Variants in AUTS2 observed in about 807,000 individuals in gnomAD.
The protein encoded by AUTS2 is autism susceptibility gene 2 protein.
AUTS2 carries 17 observed loss-of-function variants against 112.4 expected under a neutral mutation model. That is an observed-to-expected ratio of 0.15 (90% CI 0.10 to 0.23). The LOEUF is 0.23. Among genes scored for constraint, AUTS2 ranks in the 10% least tolerant of loss-of-function variants. The probability of loss-of-function intolerance (pLI) is 1.00; values close to 1 mark genes in which losing one functional copy is unlikely to be tolerated. For missense variants in AUTS2, 1,510 were observed against 1,701.6 expected, an observed-to-expected ratio of 0.89 and a Z score of 1.98; for synonymous variants, 751 against 702.7, an observed-to-expected ratio of 1.07 and a Z score of -1.09.
chr7:70,278,580 AACATACATACAT>A (rs59363161), intron 4 of AUTS2, among the ~76,000 whole-genome samples: 38,939 of 149,608 alleles, frequency 0.26, 5,352 homozygotes, highest in African/African-American at 0.35. Flanking sequence ...GTCTCTCAAA[AACATACATACAT>A]ACATACATAC....
At chr7:70,252,721 CTTACAT>C (rs753970912) in intron 4 of AUTS2, among the ~76,000 whole-genome samples, 1 of 152,092 alleles carries the variant, frequency 6.6e-6, no homozygotes, top group Non-Finnish European at 1.5e-5. Flanking sequence ...AGTTTCAGAT[CTTACAT>C]TTAAGTTTTC....
chr7:69,770,574 G>T (rs1364310643), intron 1 of AUTS2, among the ~76,000 whole-genome samples: 1 of 152,100 alleles, frequency 6.6e-6, no homozygotes, highest in Non-Finnish European at 1.5e-5. Context: ...TACATGACAT[G>T]TAGAGTGAGC....
At chr7:69,916,470 C>G (rs1451326055) in intron 2 of AUTS2, among the ~76,000 whole-genome samples, 3 of 152,142 alleles carry the variant, frequency 2.0e-5, no homozygotes, top group African/African-American at 7.2e-5. Flanking sequence ...CCAGACCTTT[C>G]TTCTCAACTT....
In AUTS2 at chr7:69,599,488, C is replaced by G. The variant is rs559473184; in HGVS notation, c.-166C>G. 7.4e-6 allele frequency: 4 copies of G among 541,218 alleles called. No homozygotes were observed. The South Asian group carries it at 3.8e-4, about 52-fold the overall frequency. 33.5% of individuals were successfully genotyped at this position (541,218 alleles called of 1,614,324 possible). On this transcript the variant is annotated 5_prime_UTR_variant, in exon 1 of 19. Coordinates refer to ENST00000342771, the MANE Select transcript of AUTS2 (RefSeq NM_015570.4). This position sits in a 1 kb window ranked among gnomAD's most constrained non-coding sequence, Gnocchi z 7.0. ...CCCTTCCCCCTTTTCTTTCTCCTCT[C>G]TTTCTTCCCCTCTCTCCCTTCTTTC...
In AUTS2 at chr7:70,777,135, C is replaced by T. The variant is rs753759709; in HGVS notation, c.1965C>T (p.His655=). The T allele has an allele frequency of 1.2e-6, 2 of 1,614,168 alleles. No individual in the cohort carries two copies. The highest frequency in any genetic ancestry group is 2.2e-5 in the South Asian group (2 of 91,084). The change falls in exon 14 of 19, where the codon CAC becomes CAT. Residue 655 remains histidine (H), a synonymous_variant. Transcript: ENST00000342771. ...KPGKWCAMHV[H]IAWQIYHHQQ... ...GGAAGTGGTGTGCTATGCATGTTCA[C>T]ATCGCCTGGCAGATTTACCACCACC...
intron 4 of AUTS2, among the ~76,000 whole-genome samples, chr7:70,328,757 A>AGTT (rs1043095055): frequency 6.6e-6 from 1 of 152,230 alleles, no homozygotes; most frequent in Non-Finnish European, 1.5e-5. Context: ...ATGGAAAAGA[A>AGTT]GTTATTTCTT....
intron 4 of AUTS2, among the ~76,000 whole-genome samples, chr7:70,239,232 C>T (rs1812481292): frequency 6.6e-6 from 1 of 152,162 alleles, no homozygotes; most frequent in Non-Finnish European, 1.5e-5. Flanking sequence ...TGTCTTGGGG[C>T]AGGCCACATC....
intron 6 of AUTS2, among the ~76,000 whole-genome samples, chr7:70,747,593 G>A (rs1010080360): frequency 2.0e-5 from 3 of 151,946 alleles, no homozygotes; most frequent in Non-Finnish European, 4.4e-5. Context: ...TCAGTAGCTG[G>A]GATTACAGGA....
intron 1 of AUTS2, among the ~76,000 whole-genome samples, chr7:69,606,533 G>A (rs993028986): frequency 6.6e-6 from 1 of 152,168 alleles, no homozygotes; most frequent in Non-Finnish European, 1.5e-5. Context: ...TATACTAAAT[G>A]CAGCCTAACT....
chr7:70,714,939 A>G (rs548433142), intron 6 of AUTS2, among the ~76,000 whole-genome samples: 12 of 152,302 alleles, frequency 7.9e-5, no homozygotes, highest in African/African-American at 2.4e-4. Flanking sequence ...TTGCATTGGC[A>G]TGTTCCCCGT....
intron 3 of AUTS2, chr7:70,120,008 A>G (rs2129573001): frequency 6.6e-6 from 1 of 152,298 alleles, no homozygotes; most frequent in East Asian, 1.9e-4. Flanking sequence ...GATGTCTATA[A>G]TTTTTAAATA....
At chr7:70,613,335 A>T (rs1167783764) in intron 5 of AUTS2, among the ~76,000 whole-genome samples, 1 of 152,132 alleles carries the variant, frequency 6.6e-6, no homozygotes, top group East Asian at 1.9e-4. Context: ...CTGTAGAGAC[A>T]TTTCCACTGA....
At chr7:70,755,012 T>C (rs1789105586) in intron 6 of AUTS2, among the ~76,000 whole-genome samples, 3 of 152,194 alleles carry the variant, frequency 2.0e-5, no homozygotes, top group African/African-American at 7.2e-5. Context: ...TGTATTTTTG[T>C]TTTTGTTTTG....
chr7:70,164,540 T>C (rs1274827344), intron 4 of AUTS2, among the ~76,000 whole-genome samples: 2 of 152,140 alleles, frequency 1.3e-5, no homozygotes, highest in Non-Finnish European at 2.9e-5. Context: ...TTAAAAAATT[T>C]TTTTGATGTT....
chr7:70,645,588 A>AAT lies in AUTS2; in HGVS notation c.691-52981_691-52980insAT, dbSNP rs1354721135. Among the ~76,000 whole-genome samples, 3 of 152,202 alleles carry AAT rather than the reference A, an allele frequency of 2.0e-5. No homozygotes were observed. In the East Asian group the frequency reaches 5.8e-4, roughly 30 times the overall value. ...CTGGCCGCTCTGTTCTGGGCAGACC[A>AAT]TGGGGCCTGCTCACGAAGGCAAGAG... is the stretch of plus-strand genomic sequence containing the variant. On this transcript the variant is annotated intron_variant, in intron 5 of 18. Coordinates refer to ENST00000342771, the MANE Select transcript of AUTS2 (RefSeq NM_015570.4).
At chr7:69,884,799 C>G (rs1490134810) in intron 1 of AUTS2, among the ~76,000 whole-genome samples, 1 of 152,144 alleles carries the variant, frequency 6.6e-6, no homozygotes. Context: ...ATGTAGTAGC[C>G]AACTGAAAGG....
intron 5 of AUTS2, among the ~76,000 whole-genome samples, chr7:70,590,968 TC>T (rs2129528417): frequency 6.6e-6 from 1 of 152,330 alleles, no homozygotes; most frequent in Admixed American, 6.5e-5. Flanking sequence ...TTTAACTCTC[TC>T]CAGAGTTAAA....
At chr7:69,654,578 C>A (rs1795437108) in intron 1 of AUTS2, among the ~76,000 whole-genome samples, 1 of 152,160 alleles carries the variant, frequency 6.6e-6, no homozygotes, top group African/African-American at 2.4e-5. Context: ...AATAACATGC[C>A]ATTATGTACA....
intron 2 of AUTS2, among the ~76,000 whole-genome samples, chr7:70,004,841 A>ATT (rs1799472025): frequency 1.3e-5 from 2 of 151,730 alleles, no homozygotes; most frequent in African/African-American, 4.8e-5. Context: ...TTATTTATTT[A>ATT]GAGACCGAGT....
Sources: allele counts gnomAD v4.1 joint callset (sites outside exome capture counted in the v4.1 genomes callset), GRCh38; gene constraint gnomAD v4.1.1; non-coding constraint Gnocchi (gnomAD v3.1); transcripts MANE v1.5; gene names NCBI Gene and HGNC (gene_info 2026-07-23, HGNC 2026-07-21).